The following LYST variants were observed in gnomAD, a reference collection of about 807,000 sequenced individuals.
The protein encoded by LYST is lysosomal-trafficking regulator.
LYST carries 192 observed loss-of-function variants against 413.6 expected under a neutral mutation model. The observed-to-expected ratio is 0.46, with a 90% CI of 0.41 to 0.52. LYST has a LOEUF of 0.52. Ranked by LOEUF, LYST falls within the 20% of genes least tolerant of loss-of-function variation. The pLI is 0.00. For missense variants in LYST, 3,815 were observed against 4,499.9 expected (o/e 0.85, Z 4.35); for synonymous variants, 1,525 against 1,567.3 (o/e 0.97, Z 0.64).
At chr1:235,673,902 G>A (rs888602985) in intron 50 of LYST, among the ~76,000 whole-genome samples, 2 of 152,090 alleles carry the variant, frequency 1.3e-5, no homozygotes, top group South Asian at 2.1e-4. Context: ...TAAATATTCC[G>A]CTCACACCTT....
At chr1:235,784,452 G>T (rs1670199336) in intron 14 of LYST, among the ~76,000 whole-genome samples, 1 of 152,140 alleles carries the variant, frequency 6.6e-6, no homozygotes, top group Admixed American at 6.5e-5. Flanking sequence ...ATAGTTTATG[G>T]TTCCTCTACC....
intron 28 of LYST, chr1:235,747,259 G>A (rs1053185215): frequency 2.2e-5 from 10 of 453,438 alleles, no homozygotes; most frequent in South Asian, 3.1e-5. Context: ...GAAGGGCATC[G>A]GAAGTTGACC....
upstream of LYST, among the ~76,000 whole-genome samples, chr1:235,868,537 G>A (rs1186597388): frequency 6.6e-6 from 1 of 152,010 alleles, no homozygotes; most frequent in African/African-American, 2.4e-5. Flanking sequence ...TTAACCTTGA[G>A]TAGAAAATAA....
Position 235,746,383 on chromosome 1 carries a change from C to T in LYST, c.7925G>A (p.Arg2642Lys), listed in dbSNP as rs1243065761. The change falls in exon 29 of 53, where the codon AGA (arginine) becomes AAA (lysine). Residue 2642 changes from arginine (R) to lysine (K), a missense_variant. Around this residue, in one of 4 missense-constraint regions of LYST, gnomAD observed 771 missense variants for 837.1 expected, o/e 0.92. Transcript: ENST00000389793. ...SQATETELAQ[R>K]LQRLTVLAVN... ...TGCTAAAACAGTGAGCCTCTGTAGTCTCTGCGCAAGTTCCGTTTCAGTTGC... is the reference window on the plus strand; with the variant it reads ...TGCTAAAACAGTGAGCCTCTGTAGTTTCTGCGCAAGTTCCGTTTCAGTTGC... 1.2e-6 allele frequency: 2 copies of T among 1,613,982 alleles called. No individual in the cohort carries two copies. The highest frequency in any genetic ancestry group is 1.7e-6 in the Non-Finnish European group (2 of 1,179,912).
intron 1 of LYST, among the ~76,000 whole-genome samples, chr1:235,863,442 C>T (rs1449527867): frequency 6.7e-6 from 1 of 150,346 alleles, no homozygotes; most frequent in Non-Finnish European, 1.5e-5. Flanking sequence ...TGAAGAGAAA[C>T]CAGAGAATGA....
chr1:235,733,173 A>G (rs1664526016), intron 34 of LYST, among the ~76,000 whole-genome samples: 1 of 152,162 alleles, frequency 6.6e-6, no homozygotes, highest in Non-Finnish European at 1.5e-5. Context: ...TGTTATTTGT[A>G]ATACATATTT....
rs776329644 is a variant in LYST, at chr1:235,781,998, C to G, written c.4952G>C (p.Cys1651Ser). The G allele has an allele frequency of 1.9e-6, 3 of 1,613,636 alleles. No homozygotes were observed. In the East Asian group the frequency reaches 6.7e-5, roughly 36 times the overall value. Residue 1651 changes from cysteine (C) to serine (S), a missense_variant, in exon 15 of 53, where the codon TGT (cysteine) becomes TCT (serine). Cys to Ser is a moderately radical substitution (Grantham distance 112, BLOSUM62 -1). This residue lies in a region of LYST where 530 missense variants were observed against 696.5 expected (regional missense o/e 0.76). Transcript: ENST00000389793. The stretch of plus-strand genomic sequence containing the variant: ...CAAAAACTCTTCTTGGGATGATAAA[C>G]AATGGCCAATCATGCAAAATGTTTT... ...SNKTFCMIGH[C>S]LSSQEEFLQL...
chr1:235,706,284 A>T (rs1160343799), intron 44 of LYST, among the ~76,000 whole-genome samples: 2 of 152,202 alleles, frequency 1.3e-5, no homozygotes, highest in African/African-American at 2.4e-5. Context: ...GAAGCAGATC[A>T]TAAGATTTTC....
At chr1:235,804,716 T>C (rs767565425) in intron 6 of LYST, 51 bp from the exon 7 acceptor site, 11 of 1,063,142 alleles carry the variant, frequency 1.0e-5, no homozygotes, top group African/African-American at 1.6e-5. Flanking sequence ...TTTAAAAAAC[T>C]AAATGATGAA....
At position 235,734,768 on chromosome 1, in the gene LYST, T is replaced by C. The variant is rs1284179558; in HGVS notation, c.8359-109A>G. The C allele has an allele frequency of 5.6e-6, 4 of 713,114 alleles. No homozygotes were observed. In the East Asian group the frequency reaches 1.1e-4, roughly 19 times the overall value. The allele number at this position is 713,114 out of a possible 1,614,324, so 44.2% of individuals were successfully genotyped here. On this transcript the variant is annotated intron_variant, in intron 31 of 52. Coordinates refer to ENST00000389793, the MANE Select transcript of LYST (RefSeq NM_000081.4). Reference sequence around the variant, plus strand: ...CTAGATTTATTTGGTTGCATCTGATTTAAATAAAGCACCTACAAAAGACAT... The same window carrying C: ...CTAGATTTATTTGGTTGCATCTGATCTAAATAAAGCACCTACAAAAGACAT...
At chr1:235,787,870 T>C (rs1233713993) in intron 13 of LYST, among the ~76,000 whole-genome samples, 4 of 152,046 alleles carry the variant, frequency 2.6e-5, no homozygotes, top group Non-Finnish European at 5.9e-5. Context: ...TAGATTTGAG[T>C]TTTAGACAAA....
intron 50 of LYST, among the ~76,000 whole-genome samples, chr1:235,666,908 G>A (rs78459771): frequency 0.025 from 3,744 of 152,100 alleles, 149 homozygotes; most frequent in African/African-American, 0.085. Flanking sequence ...GGGGTTTCTC[G>A]CTGTAACCCA....
At chr1:235,828,557 T>C (rs1675588396) in intron 3 of LYST, 1 of 162,396 alleles carries the variant, frequency 6.2e-6, no homozygotes, top group Non-Finnish European at 1.3e-5. Flanking sequence ...ACATGAACAT[T>C]ATATAATGCT....
At position 235,757,556 on chromosome 1, in the gene LYST, G is replaced by A. The variant is rs1261426582; in HGVS notation, c.6882-98C>T. On this transcript the variant is annotated intron_variant, in intron 23 of 52. Transcript: ENST00000389793. ...CAAGTAGTAGCATTTTTTAACAGGT[G>A]AAACAAATGTTCATAATGCTTAAGA... The A allele has an allele frequency of 5.9e-6, 5 of 845,174 alleles. No homozygotes were observed. The Admixed American group carries it at 7.2e-5, about 12-fold the overall frequency. The allele number at this position is 845,174 out of a possible 1,614,324, so 52.4% of individuals were successfully genotyped here.
chr1:235,671,697 C>G (rs1463724159), intron 50 of LYST, among the ~76,000 whole-genome samples: 3 of 152,062 alleles, frequency 2.0e-5, no homozygotes, highest in Non-Finnish European at 4.4e-5. Context: ...ACAAAGAGGT[C>G]AGTGAGGTTA....
At chr1:235,870,074 C>T (rs1189512556), upstream of LYST, among the ~76,000 whole-genome samples, 1 of 152,100 alleles carries the variant, frequency 6.6e-6, no homozygotes, top group Non-Finnish European at 1.5e-5. Flanking sequence ...GCCCTGGACC[C>T]CACACATGAA....
At position 235,780,879 on chromosome 1, in the gene LYST, T is replaced by C; in HGVS notation, c.5200A>G (p.Ile1734Val). 1 of 1,493,324 alleles carries C rather than the reference T, an allele frequency of 6.7e-7. No homozygotes were observed. The highest frequency in any genetic ancestry group is 9.2e-7 in the Non-Finnish European group (1 of 1,092,076). The allele number at this position is 1,493,324 out of a possible 1,614,324, so 92.5% of individuals were successfully genotyped here. The stretch of plus-strand genomic sequence containing the variant: ...TTAAAACTTACAATTAAGAGACCAA[T>C]ATCCACATCTTTCTTGGTCATAAAA... ...ELFMTKKDVD[I>V]GLLIESLSVV... The change falls in exon 16 of 53, where the codon ATT becomes GTT. Residue 1734 changes from isoleucine (I) to valine (V), a missense_variant. Coordinates refer to ENST00000389793, the MANE Select transcript of LYST (RefSeq NM_000081.4).
At position 235,724,138 on chromosome 1, in the gene LYST, A is replaced by G. The variant is rs370563833; in HGVS notation, c.9205T>C (p.Tyr3069His). 3.1e-6 allele frequency: 5 copies of G among 1,613,750 alleles called. No individual in the cohort carries two copies. In the African/African-American group the frequency reaches 5.3e-5, roughly 17 times the overall value. Residue 3069 changes from tyrosine to histidine, a missense_variant, in exon 39 of 53, where the codon TAT (tyrosine) becomes CAT (histidine). By Grantham distance (83) the Tyr-to-His change is moderately conservative. This residue lies in a region of LYST where 866 missense variants were observed against 1,156.0 expected (regional missense o/e 0.75). Coordinates refer to ENST00000389793, the MANE Select transcript of LYST (RefSeq NM_000081.4). ...TTGTGAACTTCTTTAATTTCTTCAT[A>G]TGTCCAGGAAAATGATGCTGGTTCC... Reference protein sequence around the residue: ...ELEPASFSWTYEEIKEVHKRW... With the variant: ...ELEPASFSWTHEEIKEVHKRW...
At chr1:235,757,150 C>T (rs1310269405) in intron 24 of LYST, 131 bp downstream of exon 24, 1 of 620,738 alleles carries the variant, frequency 1.6e-6, no homozygotes, top group Admixed American at 3.3e-5. Context: ...AAGTAACAAA[C>T]TATATTAGTT....
Sources: allele counts gnomAD v4.1 joint callset (sites outside exome capture counted in the v4.1 genomes callset), GRCh38; gene constraint gnomAD v4.1.1; regional missense constraint gnomAD v4.1.1; transcripts MANE v1.5; gene names NCBI Gene and HGNC (gene_info 2026-07-23, HGNC 2026-07-21).